GPC5: variants seen among roughly 807,000 people sequenced by gnomAD.
GPC5 encodes the protein glypican 5, also known as glypican-5.
GPC5 carries 47 observed loss-of-function variants against 53.9 expected under a neutral mutation model. The ratio of observed to expected loss-of-function variants is 0.87; its 90% CI spans 0.69 to 1.11. The LOEUF (loss-of-function observed/expected upper bound fraction) is 1.11, where lower values mean the gene tolerates loss of function less well. Ranked by LOEUF, GPC5 falls within the 50% of genes most tolerant of loss-of-function variation. GPC5 has a pLI of 0.00. For missense variants in GPC5, 748 were observed against 713.1 expected, an observed-to-expected ratio of 1.05 and a Z score of -0.56; for synonymous variants, 286 against 263.3, an observed-to-expected ratio of 1.09 and a Z score of -0.84.
intron 2 of GPC5, among the ~76,000 whole-genome samples, chr13:91,691,198 T>C (rs2035750870): frequency 6.6e-6 from 1 of 152,184 alleles, no homozygotes; most frequent in African/African-American, 2.4e-5. Flanking sequence ...GCTGAACAAC[T>C]CTGTAAGAGC....
At chr13:91,525,644 G>T (rs9589276) in intron 2 of GPC5, among the ~76,000 whole-genome samples, 2,963 of 152,238 alleles carry the variant, frequency 0.019, 96 homozygotes, top group African/African-American at 0.065. Context: ...AGTGCATGTT[G>T]TTTGCCCAGA....
intron 1 of GPC5, among the ~76,000 whole-genome samples, chr13:91,433,272 C>A: frequency 6.6e-6 from 1 of 150,872 alleles, no homozygotes; most frequent in Non-Finnish European, 1.5e-5. Flanking sequence ...CATATGTATA[C>A]ATGTGCCATG....
Position 91,519,365 on chromosome 13 carries a change from C to G in GPC5, c.325+70443C>G, listed in dbSNP as rs1885680464. ...ATGGTTTGGCTCTGTTTCCCCCACC[C>G]AAATTTCATGTTGAATTATGACCCC... On this transcript the variant is annotated intron_variant, in intron 2 of 7. Coordinates refer to ENST00000377067, the MANE Select transcript of GPC5 (RefSeq NM_004466.6). Among the ~76,000 whole-genome samples the G allele has an allele frequency of 2.6e-5, 4 of 152,162 alleles. No individual in the cohort carries two copies. In the South Asian group the frequency reaches 8.3e-4, roughly 32 times the overall value.
intron 6 of GPC5, among the ~76,000 whole-genome samples, chr13:92,072,233 ATGTT>A (rs149120423): frequency 0.011 from 1,668 of 149,664 alleles, 15 homozygotes; most frequent in Middle Eastern, 0.021. Context: ...TTTTTAAAGA[ATGTT>A]TGGCTAATTT....
intron 7 of GPC5, among the ~76,000 whole-genome samples, chr13:92,685,138 T>C (rs1887223351): frequency 6.6e-6 from 1 of 151,790 alleles, no homozygotes; most frequent in Non-Finnish European, 1.5e-5. Context: ...TCACCCATGC[T>C]AGAGTGCAGT....
intron 7 of GPC5, among the ~76,000 whole-genome samples, chr13:92,600,348 G>C (rs1884007673): frequency 6.6e-6 from 1 of 152,108 alleles, no homozygotes; most frequent in East Asian, 1.9e-4. Flanking sequence ...TAAGGGCACA[G>C]CAATTTATTG....
intron 5 of GPC5, among the ~76,000 whole-genome samples, chr13:91,894,176 G>A (rs1463168127): frequency 1.3e-5 from 2 of 152,060 alleles, no homozygotes; most frequent in African/African-American, 4.8e-5. Flanking sequence ...TTTCCAGAAG[G>A]TGTCTAACTT....
At chr13:92,811,673 T>C (rs1236600669) in intron 7 of GPC5, among the ~76,000 whole-genome samples, 1 of 151,984 alleles carries the variant, frequency 6.6e-6, no homozygotes, top group Non-Finnish European at 1.5e-5. Flanking sequence ...CATTTAAGAA[T>C]TACCAAACTC....
At chr13:91,428,654 C>A (rs867972515) in intron 1 of GPC5, among the ~76,000 whole-genome samples, 2 of 152,124 alleles carry the variant, frequency 1.3e-5, no homozygotes, top group African/African-American at 4.8e-5. Context: ...TGCCTCCTAT[C>A]GCTATCACTA....
chr13:91,782,419 T>C (rs163928), intron 5 of GPC5, among the ~76,000 whole-genome samples: 112,004 of 151,982 alleles, frequency 0.74, 41,554 homozygotes, highest in East Asian at 0.89. Context: ...TGGTGGAAGG[T>C]GAAAGGGAAG....
chr13:92,201,809 T>A lies in GPC5; in HGVS notation c.1561+56820T>A, dbSNP rs1184360848. ...ATAGCATGTGAAACCTTGCCAGGAA[T>A]TTTCTTTAGTGTACATAAAGCAATA... is the stretch of plus-strand genomic sequence containing the variant. On this transcript the variant is annotated intron_variant, in intron 7 of 7. Coordinates refer to ENST00000377067, the MANE Select transcript of GPC5 (RefSeq NM_004466.6). Among the ~76,000 whole-genome samples, 3 of 152,194 alleles carry A rather than the reference T, an allele frequency of 2.0e-5. No individual in the cohort carries two copies. The South Asian group carries it at 6.2e-4, about 32-fold the overall frequency.
chr13:91,942,094 A>G (rs376402695), intron 6 of GPC5, among the ~76,000 whole-genome samples: 1 of 152,262 alleles, frequency 6.6e-6, no homozygotes, highest in African/African-American at 2.4e-5. Flanking sequence ...AGCAAATTTC[A>G]AGTATACAAT....
At chr13:91,902,205 G>A (rs1338866101) in intron 5 of GPC5, among the ~76,000 whole-genome samples, 2 of 151,936 alleles carry the variant, frequency 1.3e-5, no homozygotes, top group African/African-American at 4.8e-5. Flanking sequence ...TCTAAATAAA[G>A]TGAAATTACT....
chr13:92,304,036 C>T (rs1311920819), intron 7 of GPC5, among the ~76,000 whole-genome samples: 1 of 152,062 alleles, frequency 6.6e-6, no homozygotes, highest in Non-Finnish European at 1.5e-5. Flanking sequence ...CTATTGTTTA[C>T]TGTTGAGGTA....
chr13:91,964,125 T>C (rs1020825695), intron 6 of GPC5, among the ~76,000 whole-genome samples: 3 of 152,164 alleles, frequency 2.0e-5, no homozygotes, highest in African/African-American at 4.8e-5. Flanking sequence ...CTCCAGAGTT[T>C]CTTCCTTCTG....
At chr13:92,782,194 T>G (rs1876051990) in intron 7 of GPC5, among the ~76,000 whole-genome samples, 1 of 152,104 alleles carries the variant, frequency 6.6e-6, no homozygotes, top group Admixed American at 6.6e-5. Flanking sequence ...ATTCATCTCC[T>G]TAGGATAATT....
rs188905229 is a variant in GPC5, at chr13:91,613,914, A to T, written c.326-79273A>T. Among the ~76,000 whole-genome samples, 15 of 152,316 alleles carry T rather than the reference A, an allele frequency of 9.8e-5. No individual in the cohort carries two copies. In the South Asian group the frequency reaches 1.5e-3, roughly 15 times the overall value. On this transcript the variant is annotated intron_variant, in intron 2 of 7. Coordinates refer to ENST00000377067, the MANE Select transcript of GPC5 (RefSeq NM_004466.6). ...AACATTTAAAGTAAAAGTCAGGAGG[A>T]GAAGTAGATGAAGACTGAGAAAGGG...
intron 7 of GPC5, among the ~76,000 whole-genome samples, chr13:92,622,087 T>C (rs763312337): frequency 3.9e-5 from 6 of 152,178 alleles, no homozygotes; most frequent in Non-Finnish European, 8.8e-5. Context: ...GCCCGTGGGA[T>C]GGTTTGCCAC....
At chr13:92,856,892 G>T (rs2138850839) in intron 7 of GPC5, among the ~76,000 whole-genome samples, 1 of 151,978 alleles carries the variant, frequency 6.6e-6, no homozygotes, top group South Asian at 2.1e-4. Context: ...TGTTAAAGTG[G>T]TTATACTGCC....
Sources: gnomAD v4.1 joint callset for allele counts (sites outside exome capture counted in the v4.1 genomes callset) on GRCh38, gnomAD v4.1.1 for gene constraint, MANE v1.5 for transcripts, NCBI Gene and HGNC (gene_info 2026-07-23, HGNC 2026-07-21) for gene names.